The following GABRE variants were observed in gnomAD, a reference collection of about 807,000 sequenced individuals.
GABRE encodes the protein gamma-aminobutyric acid type A receptor subunit epsilon, also known as gamma-aminobutyric acid receptor subunit epsilon.
A neutral mutation model predicts 31.0 loss-of-function variants in GABRE; 20 were observed. The observed-to-expected ratio is 0.64, with a 90% CI of 0.45 to 0.94. GABRE has a LOEUF of 0.94. GABRE is among the 40% of genes least tolerant of loss of function. GABRE has a pLI of 0.00. For missense variants in GABRE, 420 were observed against 410.7 expected, an observed-to-expected ratio of 1.02 and a Z score of -0.20; for synonymous variants, 155 against 150.6, an observed-to-expected ratio of 1.03 and a Z score of -0.21.
intron 1 of GABRE, chrX:151,971,171 T>C (rs1934683613): frequency 1.2e-6 from 1 of 824,769 alleles, no homozygotes; most frequent in Non-Finnish European, 1.6e-6. Context: ...TAGTGCTGCC[T>C]TTGCTGGGAG....
At chrX:151,972,422 C>T (rs746084989) in intron 1 of GABRE, 34 of 751,870 alleles carry the variant, frequency 4.5e-5, no homozygotes, top group Non-Finnish European at 5.2e-5. Flanking sequence ...CCCTGAGACC[C>T]TGTAAAATGA....
chrX:151,970,261 G>T lies in GABRE; in HGVS notation c.198C>A (p.Gly66=). 1 of 1,212,041 alleles carries T rather than the reference G, an allele frequency of 8.3e-7. No individual in the cohort carries two copies. Among genetic ancestry groups the T allele is most frequent in the Non-Finnish European group, 1.1e-6 (1 of 895,559 alleles). Residue 66 remains glycine (G), a synonymous_variant, in exon 2 of 9, where the codon GGC becomes GGA. Coordinates refer to ENST00000370328, the MANE Select transcript of GABRE (RefSeq NM_004961.4). ...GGATGCGAGAGGCTTCTGGCAGTTT[G>T]CCAACTCTGCTCCCAGTCTCAGTCT... is the stretch of plus-strand genomic sequence containing the variant. ...STETETGSRV[G]KLPEASRILN... is the part of the protein sequence containing the mutation.
chrX:151,961,399 C>T lies in GABRE; in HGVS notation c.564-34G>A, dbSNP rs767339711. 3.3e-5 allele frequency: 33 copies of T among 1,015,170 alleles called. No homozygotes were observed. The African/African-American group carries it at 6.0e-4, about 18-fold the overall frequency. 83.7% of individuals were successfully genotyped at this position (1,015,170 alleles called of 1,213,427 possible). On this transcript the variant is annotated intron_variant, in intron 4 of 8. Transcript: ENST00000370328. Reference sequence around the variant, plus strand: ...GAGAAAGGAGCCTCATCAGGCTGGCCCTAAGCACTTCCGTATCCACCCAGC... The same window carrying T: ...GAGAAAGGAGCCTCATCAGGCTGGCTCTAAGCACTTCCGTATCCACCCAGC...
rs1245538793 is a variant in GABRE at position 151,955,095 on chromosome X, C to T, written c.1138-11G>A. The T allele has an allele frequency of 6.7e-6, 8 of 1,198,956 alleles. No homozygotes were observed. Among genetic ancestry groups the T allele is most frequent in the Non-Finnish European group, 7.9e-6 (7 of 889,226 alleles). On this transcript the variant is annotated splice_polypyrimidine_tract_variant and intron_variant, in intron 8 of 8. Coordinates refer to ENST00000370328, the MANE Select transcript of GABRE (RefSeq NM_004961.4). ...GCTATTGATACGAGGCTAAAATGGA[C>T]AAGGAAAGAAGTGGGGAAAAGTCAA...
chrX:151,972,456 C>T (rs1207232521), intron 1 of GABRE: 1 of 751,752 alleles, frequency 1.3e-6, no homozygotes, highest in African/African-American at 2.3e-5. Context: ...AAACGTGGCA[C>T]AATCAGAACT....
At chrX:151,959,317 T>C (rs1934280597) in intron 6 of GABRE, 1 of 240,408 alleles carries the variant, frequency 4.2e-6, no homozygotes, top group South Asian at 4.3e-5. Context: ...CTTTTCAGAC[T>C]TGTTCCTTTA....
chrX:151,969,260 G>A (rs905460985), intron 3 of GABRE: 3 of 113,993 alleles, frequency 2.6e-5, no homozygotes, highest in African/African-American at 9.8e-5. Context: ...CCAAATGGGG[G>A]CAGTGCTGAC....
In GABRE at chrX:151,954,069, A is replaced by C. The variant is rs1013056456; in HGVS notation, c.*632T>G. On this transcript the variant is annotated 3_prime_UTR_variant, in exon 9 of 9. Coordinates refer to ENST00000370328, the MANE Select transcript of GABRE (RefSeq NM_004961.4). ...GAGAGAGAGGAATGCTGTCCCAAAT[A>C]GGCTCTCTTGCTGCCCCCCCCTCTT... 3 of 111,804 alleles carry C rather than the reference A, an allele frequency of 2.7e-5. No individual in the cohort carries two copies. Among genetic ancestry groups the C allele is most frequent in the African/African-American group, 9.8e-5 (3 of 30,767 alleles). 9.2% of individuals were successfully genotyped at this position (111,804 alleles called of 1,213,427 possible).
At chrX:151,968,727 A>G (rs1934597976) in intron 3 of GABRE, among the ~76,000 whole-genome samples, 1 of 111,728 alleles carries the variant, frequency 9.0e-6, no homozygotes, top group African/African-American at 3.3e-5. Context: ...ATCATTCATC[A>G]CTCATTTGCT....
At chrX:151,974,134 T>C (rs1461375292) in intron 1 of GABRE, among the ~76,000 whole-genome samples, 1 of 111,274 alleles carries the variant, frequency 9.0e-6, no homozygotes, top group South Asian at 3.9e-4. Flanking sequence ...TTGGCGCAGC[T>C]AAGCTCCCTC....
At position 151,959,885 on chromosome X, in the gene GABRE, A is replaced by T. The variant is rs1934304551; in HGVS notation, c.738T>A (p.Asp246Glu). The T allele has an allele frequency of 8.3e-7, 1 of 1,210,765 alleles. No homozygotes were observed. Among genetic ancestry groups the T allele is most frequent in the Non-Finnish European group, 1.1e-6 (1 of 894,640 alleles). ...CAGTTTTGTTGCTCACTCCTGTAAA[A>T]TCAAACTGGAAGAGCTTCCAGGAGT... ...EKNSWKLFQF[D>E]FTGVSNKTEI... Residue 246 changes from aspartate to glutamate, a missense_variant, in exon 6 of 9, where the codon GAT becomes GAA. Asp to Glu is a conservative substitution (Grantham distance 45, BLOSUM62 2). Transcript: ENST00000370328.
At chrX:151,973,358 A>C (rs1934777996) in intron 1 of GABRE, among the ~76,000 whole-genome samples, 1 of 110,886 alleles carries the variant, frequency 9.0e-6, no homozygotes, top group South Asian at 3.9e-4. Flanking sequence ...CAGCTTTCTC[A>C]ACTAGTCCAC....
intron 1 of GABRE, among the ~76,000 whole-genome samples, chrX:151,973,832 C>G (rs1934799986): frequency 1.8e-5 from 2 of 111,443 alleles, no homozygotes; most frequent in African/African-American, 6.5e-5. Context: ...AAACCACAGA[C>G]TTCAGAGGAG....
At position 151,954,033 on chromosome X, in the gene GABRE, T is replaced by A. The variant is rs1934043497; in HGVS notation, c.*668A>T. On this transcript the variant is annotated 3_prime_UTR_variant, in exon 9 of 9. Transcript: ENST00000370328. ...TGGAGCCAGCAAGGAGAGGGAGATG[T>A]CACAGCAGCAGAGAGAGAGGAATGC... 3.6e-5 allele frequency: 4 copies of A among 111,935 alleles called. No homozygotes were observed. Among genetic ancestry groups the A allele is most frequent in the Admixed American group, 2.8e-4 (3 of 10,542 alleles). 9.2% of individuals were successfully genotyped at this position (111,935 alleles called of 1,213,427 possible). A position where few individuals can be genotyped will look rare whatever the true frequency, so the allele number is the denominator to read the frequency against.
In GABRE at chrX:151,955,491, T is replaced by C; in HGVS notation, c.1014A>G (p.Thr338=). The C allele has an allele frequency of 8.3e-7, 1 of 1,211,673 alleles. No individual in the cohort carries two copies. The highest frequency in any genetic ancestry group is 1.1e-6 in the Non-Finnish European group (1 of 895,219). The change falls in exon 8 of 9, where the codon ACA becomes ACG. Residue 338 remains threonine (T), a synonymous_variant. Coordinates refer to ENST00000370328, the MANE Select transcript of GABRE (RefSeq NM_004961.4). ...RKNFPRVSYI[T]ALDFYIAICF... Reference sequence around the variant, plus strand: ...AGATGGCGATATAGAAATCCAAGGCTGTGATATAGGAGACACGCGGGAAAT... The same window carrying C: ...AGATGGCGATATAGAAATCCAAGGCCGTGATATAGGAGACACGCGGGAAAT...
chrX:151,968,033 G>A (rs56979550), intron 3 of GABRE, among the ~76,000 whole-genome samples: 2,066 of 112,627 alleles, frequency 0.018, 43 homozygotes, highest in African/African-American at 0.061. Context: ...TAAAAAGTCC[G>A]TGATTTCCAT....
Position 151,955,702 on chromosome X carries a change from T to A in GABRE, c.937+6A>T, listed in dbSNP as rs745335766. On this transcript the variant is annotated splice_donor_region_variant and intron_variant, in intron 7 of 8. Coordinates refer to ENST00000370328, the MANE Select transcript of GABRE (RefSeq NM_004961.4). Reference sequence around the variant, plus strand: ...TGCCTATGCGTATACCTGTTTCTCCTCTTACCTAGAGAGGTCCGGGCTGGA... The same window carrying A: ...TGCCTATGCGTATACCTGTTTCTCCACTTACCTAGAGAGGTCCGGGCTGGA... The A allele has an allele frequency of 6.2e-5, 75 of 1,209,983 alleles. No homozygotes were observed. Among genetic ancestry groups the A allele is most frequent in the Non-Finnish European group, 2.0e-5 (18 of 895,183 alleles).
chrX:151,953,194 C>G lies in GABRE; in HGVS notation c.*1507G>C, dbSNP rs1223849601. 1.8e-5 allele frequency: 2 copies of G among 111,361 alleles called. No individual in the cohort carries two copies. The highest frequency in any genetic ancestry group is 6.5e-5 in the African/African-American group (2 of 30,559). 9.2% of individuals were successfully genotyped at this position (111,361 alleles called of 1,213,427 possible). On this transcript the variant is annotated 3_prime_UTR_variant, in exon 9 of 9. Coordinates refer to ENST00000370328, the MANE Select transcript of GABRE (RefSeq NM_004961.4). ...TGGTGACAAAAAGTAGATGGAGACC[C>G]CACCCTATCCACCCCCCAACAAATT...
At chrX:151,970,967 G>C (rs1034279315) in intron 1 of GABRE, among the ~76,000 whole-genome samples, 1 of 112,168 alleles carries the variant, frequency 8.9e-6, no homozygotes, top group Non-Finnish European at 1.9e-5. Context: ...TGTCTAAACA[G>C]GAAAGGCAGG....
Sources: allele counts gnomAD v4.1 joint callset (sites outside exome capture counted in the v4.1 genomes callset), GRCh38; gene constraint gnomAD v4.1.1; transcripts MANE v1.5; gene names NCBI Gene and HGNC (gene_info 2026-07-23, HGNC 2026-07-21).